SORBS2: variants seen among roughly 807,000 people sequenced by gnomAD.
SORBS2 encodes sorbin and SH3 domain-containing protein 2.
In SORBS2, 46 loss-of-function variants were observed where a neutral mutation model predicts 97.7. The observed-to-expected ratio is 0.47, with a 90% confidence interval of 0.37 to 0.60. SORBS2 has a LOEUF of 0.60. Among genes scored for constraint, SORBS2 ranks in the 20% least tolerant of loss-of-function variants. The pLI is 0.00. For synonymous variants in SORBS2, 476 were observed against 473.4 expected (o/e 1.01, Z -0.07); for missense variants, 1,316 against 1,282.3 (o/e 1.03, Z -0.40).
At chr4:185,714,704 C>T (rs2098451125) in intron 2 of SORBS2, among the ~76,000 whole-genome samples, 1 of 152,102 alleles carries the variant, frequency 6.6e-6, no homozygotes, top group Non-Finnish European at 1.5e-5. Flanking sequence ...TGGTGGCAGA[C>T]AAGAGAGCAT....
intron 1 of SORBS2, among the ~76,000 whole-genome samples, chr4:185,955,861 C>G (rs192524565): frequency 9.9e-4 from 150 of 152,140 alleles, no homozygotes; most frequent in Non-Finnish European, 1.7e-3. Context: ...CACCCCCACC[C>G]CAGGTCTTCC....
At chr4:185,620,284 T>C in intron 7 of SORBS2, 133 bp from the exon 20 acceptor site, 1 of 675,772 alleles carries the variant, frequency 1.5e-6, no homozygotes, top group Non-Finnish European at 2.7e-6. Context: ...CACATGGGCA[T>C]AAAACTCATA....
intron 12 of SORBS2, among the ~76,000 whole-genome samples, chr4:185,605,368 C>A (rs561182977): frequency 7.9e-5 from 12 of 152,230 alleles, no homozygotes; most frequent in African/African-American, 2.7e-4. Flanking sequence ...CTGCAACCTC[C>A]GCCTCCCGGT....
intron 2 of SORBS2, among the ~76,000 whole-genome samples, chr4:185,757,615 T>G (rs902556366): frequency 6.6e-6 from 1 of 151,890 alleles, no homozygotes; most frequent in Admixed American, 6.6e-5. Context: ...AGTTATTCCA[T>G]GTCCTGGGAA....
chr4:185,756,785 A>G (rs2098833956), intron 2 of SORBS2, among the ~76,000 whole-genome samples: 1 of 150,676 alleles, frequency 6.6e-6, no homozygotes, highest in Non-Finnish European at 1.5e-5. Context: ...TTCTGAACAA[A>G]TGATCCTTTG....
chr4:185,913,775 A>G (rs567510892), intron 1 of SORBS2, among the ~76,000 whole-genome samples: 1 of 152,150 alleles, frequency 6.6e-6, no homozygotes, highest in African/African-American at 2.4e-5. Context: ...CTCTTCAAAG[A>G]CTCATTCATT....
intron 2 of SORBS2, among the ~76,000 whole-genome samples, chr4:185,737,370 T>C (rs2098694273): frequency 6.6e-6 from 1 of 152,098 alleles, no homozygotes; most frequent in Non-Finnish European, 1.5e-5. Flanking sequence ...GGGTCAGGAA[T>C]GTGTCTGCTC....
intron 2 of SORBS2, chr4:185,771,852 G>A (rs1213273998): frequency 1.3e-5 from 2 of 152,134 alleles, no homozygotes; most frequent in African/African-American, 4.8e-5. Flanking sequence ...TGTCCTGGGT[G>A]GCTTAGCATT....
At chr4:185,896,400 A>G (rs191443207) in intron 1 of SORBS2, among the ~76,000 whole-genome samples, 1 of 152,306 alleles carries the variant, frequency 6.6e-6, no homozygotes, top group East Asian at 1.9e-4. Context: ...CCTGACCAAC[A>G]TGGTGAAACC....
intron 1 of SORBS2, chr4:185,919,293 C>T (rs2099259863): frequency 6.6e-6 from 1 of 152,176 alleles, no homozygotes; most frequent in South Asian, 2.1e-4. Flanking sequence ...AACTCTTACT[C>T]TTTTTGCTGT....
chr4:185,948,510 ATTTTTTT>A (rs34637572), intron 1 of SORBS2, among the ~76,000 whole-genome samples: 8 of 87,736 alleles, frequency 9.1e-5, no homozygotes, highest in African/African-American at 3.2e-4. Context: ...ATGAATTTCA[ATTTTTTT>A]TTTTTTTTTT....
chr4:185,602,456 T>C (rs1438169874), intron 12 of SORBS2, among the ~76,000 whole-genome samples: 3 of 152,272 alleles, frequency 2.0e-5, no homozygotes. Context: ...TAGGAACTTT[T>C]ACGTTTATGG....
At chr4:185,913,527 G>A (rs997664256) in intron 1 of SORBS2, among the ~76,000 whole-genome samples, 17 of 152,124 alleles carry the variant, frequency 1.1e-4, no homozygotes, top group Admixed American at 2.6e-4. Flanking sequence ...TTCTCTGATC[G>A]CAATGATTGT....
At chr4:185,795,396 T>C (rs13146524) in intron 1 of SORBS2, among the ~76,000 whole-genome samples, 13,045 of 152,194 alleles carry the variant, frequency 0.086, 581 homozygotes, top group South Asian at 0.13. Context: ...CAGCAATCTT[T>C]GATCTGTACC....
intron 1 of SORBS2, among the ~76,000 whole-genome samples, chr4:185,951,721 T>C (rs1426452009): frequency 6.6e-6 from 1 of 152,210 alleles, no homozygotes; most frequent in Non-Finnish European, 1.5e-5. Flanking sequence ...ATTTGCAGAT[T>C]GTATTGTGAA....
chr4:185,699,018 G>T (rs76475073), intron 2 of SORBS2, among the ~76,000 whole-genome samples: 8,207 of 152,148 alleles, frequency 0.054, 454 homozygotes, highest in East Asian at 0.22. Context: ...CTTTTCTTCT[G>T]ATTGAATACA....
chr4:185,933,404 G>C (rs1263696904), intron 1 of SORBS2: 2 of 152,276 alleles, frequency 1.3e-5, no homozygotes, highest in Non-Finnish European at 2.9e-5. Flanking sequence ...CCACAGACAG[G>C]ATGGCTTAAA....
intron 1 of SORBS2, among the ~76,000 whole-genome samples, chr4:185,806,513 A>T (rs1189804059): frequency 7.2e-5 from 9 of 124,302 alleles, no homozygotes; most frequent in Admixed American, 3.9e-4. Flanking sequence ...GCTGGAGTGC[A>T]GTGGCGGGAT....
At position 185,799,507 on chromosome 4, in the gene SORBS2, C is replaced by T. The variant is rs141698409; in HGVS notation, c.-337-24141G>A. On this transcript the variant is annotated intron_variant, in intron 1 of 20. Transcript: ENST00000284776. Reference sequence around the variant, plus strand: ...ACGAGCATTAGAGTCCCGCTGAGGTCGCTGAGACTTACACTTCACACGAAT... The same window carrying T: ...ACGAGCATTAGAGTCCCGCTGAGGTTGCTGAGACTTACACTTCACACGAAT... 1.6e-3 allele frequency among the ~76,000 whole-genome samples: 242 copies of T among 152,320 alleles called. 1 individual carries two copies. The highest frequency in any genetic ancestry group is 5.5e-3 in the African/African-American group (228 of 41,580).
Sources: allele counts gnomAD v4.1 joint callset (sites outside exome capture counted in the v4.1 genomes callset), GRCh38; gene constraint gnomAD v4.1.1; transcripts MANE v1.5; gene names NCBI Gene and HGNC (gene_info 2026-07-23, HGNC 2026-07-21).